KLHL32: variants seen among roughly 807,000 people sequenced by gnomAD.
KLHL32 encodes kelch like family member 32.
KLHL32 carries 35 observed loss-of-function variants against 64.8 expected under a neutral mutation model. That is an observed-to-expected ratio of 0.54 (90% CI 0.41 to 0.72). The LOEUF (loss-of-function observed/expected upper bound fraction) is 0.72, where lower values mean the gene tolerates loss of function less well. Among genes scored for constraint, KLHL32 ranks in the 30% least tolerant of loss-of-function variants. The probability of loss-of-function intolerance (pLI) is 0.00; values close to 1 mark genes in which losing one functional copy is unlikely to be tolerated. For synonymous variants in KLHL32, 259 were observed against 281.0 expected (o/e 0.92, Z 0.78); for missense variants, 589 against 768.5 (o/e 0.77, Z 2.76).
intron 1 of KLHL32, among the ~76,000 whole-genome samples, chr6:96,944,529 A>G (rs1350727419): frequency 6.6e-6 from 1 of 152,190 alleles, no homozygotes; most frequent in African/African-American, 2.4e-5. Context: ...TATGGGTTTT[A>G]TGAGTTTGAT....
intron 3 of KLHL32, among the ~76,000 whole-genome samples, chr6:96,997,053 T>C (rs1008806938): frequency 1.3e-5 from 2 of 151,884 alleles, no homozygotes; most frequent in Non-Finnish European, 2.9e-5. Flanking sequence ...GTGAGTGTGG[T>C]TGAGGGTCAG....
At chr6:96,975,398 C>T (rs1382546067) in intron 2 of KLHL32, among the ~76,000 whole-genome samples, 1 of 152,152 alleles carries the variant, frequency 6.6e-6, no homozygotes, top group Non-Finnish European at 1.5e-5. Context: ...TCTTATGGTG[C>T]ACAATTTCCG....
chr6:96,946,355 AC>A (rs776372046), intron 1 of KLHL32, among the ~76,000 whole-genome samples: 13 of 152,066 alleles, frequency 8.5e-5, no homozygotes, highest in Non-Finnish European at 1.6e-4. Context: ...CTCGTGGCAC[AC>A]CATATCACTT....
In KLHL32 at chr6:97,114,412, T is replaced by C. The variant is rs1739032524; in HGVS notation, c.1257T>C (p.Tyr419=). 1.2e-6 allele frequency: 2 copies of C among 1,614,096 alleles called. No individual in the cohort carries two copies. Among genetic ancestry groups the C allele is most frequent in the Admixed American group, 1.7e-5 (1 of 60,008 alleles). ...LRQVLPTVER[Y]CPKKNKWTFV... ...AGGTTCTGCCTACAGTTGAGCGATA[T>C]TGCCCCAAGAAGAACAAATGGACTT... The change falls in exon 7 of 11, where the codon TAT becomes TAC. Residue 419 remains tyrosine (Y), a synonymous_variant. Coordinates refer to ENST00000369261, the MANE Select transcript of KLHL32 (RefSeq NM_052904.4).
chr6:97,113,657 A>G, intron 6 of KLHL32, 126 bp from the exon 7 acceptor site: 1 of 1,244,154 alleles, frequency 8.0e-7, no homozygotes, highest in Non-Finnish European at 1.1e-6. Context: ...TTCCAGTTAT[A>G]CTGTTTGTAA....
intron 1 of KLHL32, among the ~76,000 whole-genome samples, chr6:96,945,321 T>C (rs967083742): frequency 3.3e-5 from 5 of 152,078 alleles, no homozygotes; most frequent in African/African-American, 7.2e-5. Context: ...TTTTGAAGAG[T>C]TGCAAAACCA....
chr6:97,011,751 G>A (rs1780432938), intron 3 of KLHL32, among the ~76,000 whole-genome samples: 1 of 152,162 alleles, frequency 6.6e-6, no homozygotes, highest in South Asian at 2.1e-4. Context: ...AGTAGAAAAG[G>A]ATATTAATGA....
At chr6:97,043,858 G>A (rs1193350495) in intron 4 of KLHL32, among the ~76,000 whole-genome samples, 1 of 152,074 alleles carries the variant, frequency 6.6e-6, no homozygotes, top group Non-Finnish European at 1.5e-5. Flanking sequence ...CTTTTGAGAA[G>A]TGTCTATTAG....
At chr6:97,021,725 C>T (rs1421986813) in intron 3 of KLHL32, among the ~76,000 whole-genome samples, 1 of 150,854 alleles carries the variant, frequency 6.6e-6, no homozygotes, top group Admixed American at 6.6e-5. Flanking sequence ...AATTGGACTT[C>T]CCCTAAAATT....
At chr6:97,018,390 C>T (rs1032524934) in intron 3 of KLHL32, among the ~76,000 whole-genome samples, 23 of 150,994 alleles carry the variant, frequency 1.5e-4, no homozygotes, top group Non-Finnish European at 2.9e-4. Flanking sequence ...AGTTTGAGAC[C>T]AGCCTGGCCA....
chr6:97,001,381 G>C lies in KLHL32; in HGVS notation c.204+25204G>C, dbSNP rs1053421540. 2.0e-5 allele frequency among the ~76,000 whole-genome samples: 3 copies of C among 152,118 alleles called. No individual in the cohort carries two copies. In the South Asian group the frequency reaches 6.2e-4, roughly 32 times the overall value. On this transcript the variant is annotated intron_variant, in intron 3 of 10. Coordinates refer to ENST00000369261, the MANE Select transcript of KLHL32 (RefSeq NM_052904.4). Reference sequence around the variant, plus strand: ...ATTTTTAAATTAAAAAAATTTTGTAGGTACCTCACAACTGTCTCATAATTG... The same window carrying C: ...ATTTTTAAATTAAAAAAATTTTGTACGTACCTCACAACTGTCTCATAATTG...
At position 97,067,762 on chromosome 6, in the gene KLHL32, G is replaced by T. The variant is rs116350574; in HGVS notation, c.411+3036G>T. On this transcript the variant is annotated intron_variant, in intron 5 of 10. Coordinates refer to ENST00000369261, the MANE Select transcript of KLHL32 (RefSeq NM_052904.4). ...CATTAGCTACCCTGATCATCATTCA[G>T]GTGCATTATTTCTCCCACAAAAGTC... Among the ~76,000 whole-genome samples, 686 of 152,206 alleles carry T rather than the reference G, an allele frequency of 4.5e-3. 6 individuals are homozygous for T. Among genetic ancestry groups the T allele is most frequent in the African/African-American group, 0.016 (662 of 41,524 alleles).
At chr6:97,017,589 A>T (rs1781392564) in intron 3 of KLHL32, among the ~76,000 whole-genome samples, 1 of 152,242 alleles carries the variant, frequency 6.6e-6, no homozygotes, top group South Asian at 2.1e-4. Flanking sequence ...CTAATCTTGA[A>T]GTTGTGATAG....
chr6:97,037,514 A>G (rs1784477509), intron 3 of KLHL32, among the ~76,000 whole-genome samples: 2 of 152,294 alleles, frequency 1.3e-5, no homozygotes, highest in Admixed American at 1.3e-4. Context: ...AAACTATAAA[A>G]CACTGATGAA....
At chr6:96,903,004 G>GGAC in the KLHL32 span, among the ~76,000 whole-genome samples, 70 of 152,228 alleles carry the variant, frequency 4.6e-4, no homozygotes, top group East Asian at 0.012. Context: ...CTGTAGAATA[G>GGAC]TTTGAAGTCA....
At chr6:96,976,897 C>G (rs564481438) in intron 3 of KLHL32, among the ~76,000 whole-genome samples, 1 of 152,224 alleles carries the variant, frequency 6.6e-6, no homozygotes, top group Admixed American at 6.5e-5. Context: ...CCGCGGCCAG[C>G]CTATATATAC....
chr6:96,978,048 G>A (rs1775905051), intron 3 of KLHL32, among the ~76,000 whole-genome samples: 1 of 152,096 alleles, frequency 6.6e-6, no homozygotes, highest in South Asian at 2.1e-4. Context: ...GCAGATTATG[G>A]AATAGGAATT....
chr6:96,938,557 C>T (rs1389036467), intron 1 of KLHL32, among the ~76,000 whole-genome samples: 3 of 152,178 alleles, frequency 2.0e-5, no homozygotes, highest in African/African-American at 7.2e-5. Flanking sequence ...CTGTGGACCA[C>T]ACTGTTCACC....
intron 1 of KLHL32, among the ~76,000 whole-genome samples, chr6:96,938,090 CA>C (rs573460372): frequency 1.1e-3 from 161 of 152,252 alleles, no homozygotes; most frequent in African/African-American, 3.7e-3. Context: ...AACAAACAAA[CA>C]GAAAAACCCT....
Sources: allele counts gnomAD v4.1 joint callset (sites outside exome capture counted in the v4.1 genomes callset), GRCh38; gene constraint gnomAD v4.1.1; transcripts MANE v1.5; gene names NCBI Gene and HGNC (gene_info 2026-07-23, HGNC 2026-07-21).